PHKA1: variants seen among roughly 807,000 people sequenced by gnomAD.
The protein encoded by PHKA1 is phosphorylase kinase regulatory subunit alpha 1.
A neutral mutation model predicts 110.2 loss-of-function variants in PHKA1; 60 were observed. The observed-to-expected ratio is 0.54, with a 90% CI of 0.44 to 0.68. The LOEUF is 0.68. PHKA1 is among the 30% of genes least tolerant of loss of function. The pLI is 0.00. For synonymous variants in PHKA1, 316 were observed against 333.6 expected, an observed-to-expected ratio of 0.95 and a Z score of 0.58; for missense variants, 801 against 942.5, an observed-to-expected ratio of 0.85 and a Z score of 1.97.
intron 7 of PHKA1, among the ~76,000 whole-genome samples, chrX:72,666,873 T>G (rs1203563288): frequency 8.9e-6 from 1 of 112,106 alleles, no homozygotes; most frequent in Non-Finnish European, 1.9e-5. Context: ...AGGAGAAAAT[T>G]CCTCATGCCA....
chrX:72,644,609 A>G (rs1283283092), intron 13 of PHKA1, 113 bp from the exon 14 acceptor site: 55 of 610,013 alleles, frequency 9.0e-5, no homozygotes, highest in Non-Finnish European at 1.3e-4. Context: ...ATGGGAGGAA[A>G]TGAACAGTTA....
intron 2 of PHKA1, among the ~76,000 whole-genome samples, chrX:72,708,184 T>C (rs2054318613): frequency 1.8e-5 from 2 of 112,020 alleles, no homozygotes; most frequent in Non-Finnish European, 3.8e-5. Flanking sequence ...GTTGCATTCA[T>C]GGTACCATCA....
In PHKA1 at chrX:72,653,446, G is replaced by A. The variant is rs1556299878; in HGVS notation, c.1126C>T (p.Pro376Ser). 3 of 1,197,614 alleles carry A rather than the reference G, an allele frequency of 2.5e-6. No homozygotes were observed. The highest frequency in any genetic ancestry group is 2.2e-5 in the Admixed American group (1 of 45,968). The change falls in exon 11 of 32, where the codon CCT (proline) becomes TCT (serine). Residue 376 changes from proline to serine, a missense_variant. Physicochemically the swap from Pro to Ser is moderately conservative, Grantham distance 74. Coordinates refer to ENST00000373542, the MANE Select transcript of PHKA1 (RefSeq NM_002637.4). Reference sequence around the variant, plus strand: ...ACTGTCTGACTCACCCTGTCAGGAGGAACACTGTACAGCTCTGGCAGAAGT... The same window carrying A: ...ACTGTCTGACTCACCCTGTCAGGAGAAACACTGTACAGCTCTGGCAGAAGT... Reference protein sequence around the residue: ...VPLLPELYSVPPDRVDEEYQN... With the variant: ...VPLLPELYSVSPDRVDEEYQN...
intron 14 of PHKA1, among the ~76,000 whole-genome samples, chrX:72,639,173 C>G (rs1156463536): frequency 6.2e-5 from 7 of 112,007 alleles, no homozygotes; most frequent in African/African-American, 2.3e-4. Flanking sequence ...TGTTTTGCCA[C>G]CACAGATTAT....
Position 72,601,990 on chromosome X carries a change from C to G in PHKA1, c.3072+1G>C, listed in dbSNP as rs1160161542. The G allele has an allele frequency of 8.4e-7, 1 of 1,193,140 alleles. No individual in the cohort carries two copies. Among genetic ancestry groups the G allele is most frequent in the Non-Finnish European group, 1.1e-6 (1 of 879,909 alleles). On this transcript the variant is annotated splice_donor_variant, in intron 28 of 31. Transcript: ENST00000373542. LOFTEE classifies it high-confidence loss of function. The stretch of plus-strand genomic sequence containing the variant: ...TGTTAAATGATCCCTAGTTGTTTCA[C>G]CTGACTCTCAGCTGAGATTGACAGT...
chrX:72,599,615 C>T (rs957297925), intron 28 of PHKA1, among the ~76,000 whole-genome samples: 1 of 111,563 alleles, frequency 9.0e-6, no homozygotes, highest in Non-Finnish European at 1.9e-5. Context: ...TCTGAAATCG[C>T]AAAGAGGTTG....
At position 72,593,263 on chromosome X, in the gene PHKA1, G is replaced by A; in HGVS notation, c.3084C>T (p.Thr1028=). ...AGGACCCACTACTTGGAGTCATAGA[G>A]GTTCCAGGTGACTTGGAAGAGGAGA... The part of the protein sequence containing the change: ...SISAESQSPG[T]SMTPSSGSFP... Residue 1028 remains threonine (T), a synonymous_variant, in exon 29 of 32, where the codon ACC becomes ACT. Coordinates refer to ENST00000373542, the MANE Select transcript of PHKA1 (RefSeq NM_002637.4). 1.7e-6 allele frequency: 2 copies of A among 1,192,902 alleles called. No individual in the cohort carries two copies.
chrX:72,598,488 T>G (rs2052618545), intron 28 of PHKA1, among the ~76,000 whole-genome samples: 1 of 111,568 alleles, frequency 9.0e-6, no homozygotes, highest in Non-Finnish European at 1.9e-5. Flanking sequence ...GACCCAGGAC[T>G]TCCACTCCTA....
At chrX:72,590,858 T>C (rs1556223715) in intron 29 of PHKA1, among the ~76,000 whole-genome samples, 1 of 111,876 alleles carries the variant, frequency 8.9e-6, no homozygotes, top group Non-Finnish European at 1.9e-5. Context: ...AAAACCACAA[T>C]GAGATACCAT....
At chrX:72,635,392 A>C (rs2053218693) in intron 15 of PHKA1, 93 bp from the exon 16 acceptor site, 2 of 843,063 alleles carry the variant, frequency 2.4e-6, no homozygotes, top group Non-Finnish European at 3.4e-6. Flanking sequence ...AGAGTATCCA[A>C]GATGTCACAG....
Position 72,582,503 on chromosome X carries a change from G to A in PHKA1, c.3393C>T (p.Ile1131=). ...PEYRQLLVEA[I]LVLTMLADIE... The stretch of plus-strand genomic sequence containing the variant: ...TATCTGCCAGCATGGTGAGGACAAG[G>A]ATGGCTTCAACCAGCAGCTGACGGT... Residue 1131 remains isoleucine, a synonymous_variant, in exon 31 of 32, where the codon ATC becomes ATT. Transcript: ENST00000373542. The A allele has an allele frequency of 1.7e-6, 2 of 1,199,453 alleles. No homozygotes were observed. The highest frequency in any genetic ancestry group is 2.3e-6 in the Non-Finnish European group (2 of 884,145).
intron 28 of PHKA1, chrX:72,599,720 A>T: frequency 2.7e-6 from 1 of 369,279 alleles, no homozygotes; most frequent in Non-Finnish European, 4.9e-6. Context: ...TTCTTGATTA[A>T]TTTTTTTTTT....
At chrX:72,622,545 G>A (rs2052994888) in intron 18 of PHKA1, 3 of 753,302 alleles carry the variant, frequency 4.0e-6, no homozygotes, top group Non-Finnish European at 4.7e-6. Context: ...CCCCTGCAAT[G>A]CTTTCTCACT....
chrX:72,626,887 G>GA, intron 17 of PHKA1, 84 bp downstream of exon 17: 1 of 737,634 alleles, frequency 1.4e-6, no homozygotes, highest in Admixed American at 2.2e-5. Context: ...ATCATACACA[G>GA]AAAGGCATCA....
chrX:72,700,071 C>G (rs1668790767), intron 3 of PHKA1, among the ~76,000 whole-genome samples: 1 of 111,682 alleles, frequency 9.0e-6, no homozygotes, highest in East Asian at 2.8e-4. Context: ...GTTATAAAAG[C>G]CTTATGGAAG....
intron 14 of PHKA1, among the ~76,000 whole-genome samples, chrX:72,643,271 G>A (rs145832076): frequency 9.2e-4 from 102 of 110,899 alleles, no homozygotes; most frequent in African/African-American, 2.7e-3. Context: ...ACACACACGC[G>A]CGCACACACA....
At chrX:72,688,369 TG>T (rs1441284648) in intron 4 of PHKA1, among the ~76,000 whole-genome samples, 1 of 112,049 alleles carries the variant, frequency 8.9e-6, no homozygotes, top group African/African-American at 3.2e-5. Flanking sequence ...GAGATGATAG[TG>T]ACATGGGACA....
At chrX:72,662,057 C>T (rs1556304409) in intron 8 of PHKA1, among the ~76,000 whole-genome samples, 1 of 112,109 alleles carries the variant, frequency 8.9e-6, no homozygotes. Flanking sequence ...AAGGCTCCCA[C>T]CGTCCCTCAT....
At chrX:72,590,828 T>C (rs1298378187) in intron 29 of PHKA1, among the ~76,000 whole-genome samples, 2 of 112,404 alleles carry the variant, frequency 1.8e-5, no homozygotes, top group African/African-American at 6.5e-5. Flanking sequence ...TCATAACTGG[T>C]CATCAGAGAA....
Sources: gnomAD v4.1 joint callset for allele counts (sites outside exome capture counted in the v4.1 genomes callset) on GRCh38, gnomAD v4.1.1 for gene constraint, MANE v1.5 for transcripts, NCBI Gene and HGNC (gene_info 2026-07-23, HGNC 2026-07-21) for gene names.